Variants in FBN1 observed in about 807,000 individuals in gnomAD.
FBN1 encodes the protein fibrillin 1.
FBN1 carries 29 observed loss-of-function variants against 365.1 expected under a neutral mutation model. That is an observed-to-expected ratio of 0.08 (90% CI 0.06 to 0.11). The LOEUF (loss-of-function observed/expected upper bound fraction) is 0.11. FBN1 is among the 10% of genes least tolerant of loss of function. The pLI, the probability that FBN1 is intolerant of heterozygous loss-of-function variation, is 1.00. For missense variants in FBN1, 2,476 were observed against 3,703.2 expected (o/e 0.67, Z 8.60); for synonymous variants, 1,210 against 1,270.5 (o/e 0.95, Z 1.01).
intron 4 of FBN1, among the ~76,000 whole-genome samples, chr15:48,603,720 T>C (rs1210665936): frequency 1.3e-5 from 2 of 152,136 alleles, no homozygotes; most frequent in African/African-American, 4.8e-5. Flanking sequence ...GTACCCCAAG[T>C]CAGAAGATAT....
chr15:48,510,234 C>T, intron 13 of FBN1, 65 bp from the exon 14 acceptor site: 1 of 1,536,710 alleles, frequency 6.5e-7, no homozygotes, highest in Non-Finnish European at 9.0e-7. Flanking sequence ...TTTTATTTCC[C>T]CCTCCCTCCA....
At chr15:48,561,639 CA>C (rs1246245119) in intron 6 of FBN1, among the ~76,000 whole-genome samples, 1 of 152,062 alleles carries the variant, frequency 6.6e-6, no homozygotes, top group Non-Finnish European at 1.5e-5. Flanking sequence ...TAGACTTTAT[CA>C]ACAATTTTTG....
At chr15:48,479,860 T>C (rs2043453482) in intron 32 of FBN1, among the ~76,000 whole-genome samples, 1 of 152,168 alleles carries the variant, frequency 6.6e-6, no homozygotes, top group Non-Finnish European at 1.5e-5. Context: ...ATAAAATTTT[T>C]GCTAGACTGT....
chr15:48,459,399 T>G (rs1437958341), intron 43 of FBN1, among the ~76,000 whole-genome samples: 2 of 152,226 alleles, frequency 1.3e-5, no homozygotes, highest in Non-Finnish European at 2.9e-5. Flanking sequence ...GATTTGGCAC[T>G]AAGGGAGCCA....
At chr15:48,566,640 A>C (rs2044260417) in intron 6 of FBN1, among the ~76,000 whole-genome samples, 1 of 152,230 alleles carries the variant, frequency 6.6e-6, no homozygotes, top group Non-Finnish European at 1.5e-5. Flanking sequence ...AGAAAATGCA[A>C]ATGAAACCAT....
At chr15:48,560,295 A>G (rs11858890) in intron 6 of FBN1, among the ~76,000 whole-genome samples, 1 of 152,120 alleles carries the variant, frequency 6.6e-6, no homozygotes, top group Admixed American at 6.6e-5. Context: ...CTGGTTGGTG[A>G]TGGGCTTTAC....
intron 18 of FBN1, among the ~76,000 whole-genome samples, chr15:48,498,254 C>T (rs972107508): frequency 6.6e-6 from 1 of 151,954 alleles, no homozygotes; most frequent in African/African-American, 2.4e-5. Context: ...GTTTCCTTAC[C>T]TCTCCTCTTT....
chr15:48,432,158 C>T (rs1455814822), intron 55 of FBN1, among the ~76,000 whole-genome samples: 2 of 152,108 alleles, frequency 1.3e-5, no homozygotes, highest in Non-Finnish European at 2.9e-5. Context: ...CGTTTACATG[C>T]TCTGAGCTGA....
intron 10 of FBN1, among the ~76,000 whole-genome samples, chr15:48,518,426 A>G (rs989993025): frequency 6.6e-6 from 1 of 151,952 alleles, no homozygotes; most frequent in Non-Finnish European, 1.5e-5. Context: ...ACATTAAGGA[A>G]CTCACTTTGC....
At chr15:48,534,817 A>G (rs1384043658) in intron 7 of FBN1, among the ~76,000 whole-genome samples, 1 of 152,064 alleles carries the variant, frequency 6.6e-6, no homozygotes, top group African/African-American at 2.4e-5. Context: ...AGTGAGAGAG[A>G]TTGTTAGGTG....
chr15:48,612,931 G>C lies in FBN1; in HGVS notation c.247+79C>G, dbSNP rs1191460887. ...ACAGATTAATAGTACAGTTACAAAA[G>C]GCCACATTCTAAGGCTCCCCATGCA... On this transcript the variant is annotated intron_variant, in intron 3 of 65. Transcript: ENST00000316623. 3.0e-6 allele frequency: 3 copies of C among 1,012,654 alleles called. No homozygotes were observed. In the African/African-American group the frequency reaches 4.7e-5, roughly 16 times the overall value. The allele number at this position is 1,012,654 out of a possible 1,614,324, so 62.7% of individuals were successfully genotyped here.
intron 10 of FBN1, among the ~76,000 whole-genome samples, 165 bp from the exon 11 acceptor site, chr15:48,516,527 C>T (rs148322193): frequency 5.9e-5 from 9 of 152,296 alleles, no homozygotes; most frequent in Non-Finnish European, 5.9e-5. Flanking sequence ...ACTGGATTCC[C>T]ATTTTTAATA....
chr15:48,596,483 C>T, intron 5 of FBN1, 105 bp from the exon 6 acceptor site: 1 of 1,099,970 alleles, frequency 9.1e-7, no homozygotes, highest in Admixed American at 1.9e-5. Context: ...CTAAAGTCAC[C>T]CTGGTGTTTG....
At chr15:48,536,731 A>C (rs145191949) in intron 7 of FBN1, among the ~76,000 whole-genome samples, 1 of 152,332 alleles carries the variant, frequency 6.6e-6, no homozygotes, top group East Asian at 1.9e-4. Flanking sequence ...AGTGGAATGT[A>C]ATGGAGACCC....
In FBN1 at chr15:48,515,200, C is replaced by G. The variant is rs75633629; in HGVS notation, c.1468+187G>C. 0.017 allele frequency among the ~76,000 whole-genome samples: 2,538 copies of G among 152,320 alleles called. 209 individuals carry two copies. In the East Asian group the frequency reaches 0.24, roughly 14 times the overall value. On this transcript the variant is annotated intron_variant, in intron 12 of 65. Coordinates refer to ENST00000316623, the MANE Select transcript of FBN1 (RefSeq NM_000138.5). ...CAAAAGGAAGACAGCCCTCCCAACA[C>G]CTGGATGTTAGCCCAGTAAGACTTC...
chr15:48,485,544 T>C, intron 29 of FBN1, 48 bp from the exon 30 acceptor site: 1 of 1,605,350 alleles, frequency 6.2e-7, no homozygotes, highest in Non-Finnish European at 8.5e-7. Flanking sequence ...TTTGGATGTC[T>C]GTCCCCTCCA....
At chr15:48,442,777 A>C (rs1007543645) in intron 49 of FBN1, among the ~76,000 whole-genome samples, 1 of 152,198 alleles carries the variant, frequency 6.6e-6, no homozygotes, top group African/African-American at 2.4e-5. Flanking sequence ...ATTCCAACAA[A>C]CTCACTTATC....
intron 15 of FBN1, among the ~76,000 whole-genome samples, chr15:48,506,375 G>A (rs1329923559): frequency 6.6e-6 from 1 of 152,182 alleles, no homozygotes; most frequent in African/African-American, 2.4e-5. Context: ...AGCTTGTGTT[G>A]TTTGGCACAA....
intron 55 of FBN1, 140 bp downstream of exon 55, chr15:48,432,726 G>T: frequency 9.4e-7 from 1 of 1,062,308 alleles, no homozygotes; most frequent in Non-Finnish European, 1.4e-6. Context: ...GGGGAAACGT[G>T]GCAGTGACAA....
Sources: allele counts gnomAD v4.1 joint callset (sites outside exome capture counted in the v4.1 genomes callset), GRCh38; gene constraint gnomAD v4.1.1; transcripts MANE v1.5; gene names NCBI Gene and HGNC (gene_info 2026-07-23, HGNC 2026-07-21).